The following SDK1 variants were observed in gnomAD, a reference collection of about 807,000 sequenced individuals.
SDK1 encodes protein sidekick-1.
Under a neutral mutation model 245.5 loss-of-function variants are expected in SDK1, and 157 were observed. The ratio of observed to expected loss-of-function variants is 0.64; its 90% CI spans 0.56 to 0.73. SDK1 has a LOEUF of 0.73. Ranked by LOEUF, SDK1 falls within the 30% of genes least tolerant of loss-of-function variation. SDK1 has a pLI of 0.00. For missense variants in SDK1, 3,583 were observed against 3,002.3 expected, an observed-to-expected ratio of 1.19 and a Z score of -4.52; for synonymous variants, 1,647 against 1,278.5, an observed-to-expected ratio of 1.29 and a Z score of -6.15.
rs527862915 is a variant in SDK1, at chr7:3,612,914, C to G, written c.299-6166C>G. Among the ~76,000 whole-genome samples the G allele has an allele frequency of 2.0e-5, 3 of 152,132 alleles. No individual in the cohort carries two copies. The South Asian group carries it at 6.3e-4, about 32-fold the overall frequency. On this transcript the variant is annotated intron_variant, in intron 1 of 44. Coordinates refer to ENST00000404826, the MANE Select transcript of SDK1 (RefSeq NM_152744.4). Reference sequence around the variant, plus strand: ...TGTGGGCTTCACAGACTACCCCCCACCCCCCTTGTTTGTGGTACAGTTGAT... The same window carrying G: ...TGTGGGCTTCACAGACTACCCCCCAGCCCCCTTGTTTGTGGTACAGTTGAT...
intron 13 of SDK1, among the ~76,000 whole-genome samples, chr7:3,975,922 AG>A: frequency 6.8e-6 from 1 of 146,920 alleles, no homozygotes; most frequent in Non-Finnish European, 1.5e-5. Flanking sequence ...GGTCCTCCAG[AG>A]AATCACTGAG....
intron 2 of SDK1, among the ~76,000 whole-genome samples, chr7:3,623,324 T>G (rs1782003125): frequency 6.7e-6 from 1 of 148,924 alleles, no homozygotes; most frequent in East Asian, 2.0e-4. Context: ...CTCGGCTCAC[T>G]GCAACCTTCG....
At position 4,210,179 on chromosome 7, in the gene SDK1, G is replaced by A. The variant is rs1169867614; in HGVS notation, c.5539+17G>A. 2 of 1,527,248 alleles carry A rather than the reference G, an allele frequency of 1.3e-6. No homozygotes were observed. The highest frequency in any genetic ancestry group is 1.4e-5 in the African/African-American group (1 of 71,762). 94.6% of individuals were successfully genotyped at this position (1,527,248 alleles called of 1,614,324 possible). A position where few individuals can be genotyped will look rare whatever the true frequency, so the allele number is the denominator to read the frequency against. On this transcript the variant is annotated intron_variant, in intron 38 of 44. Transcript: ENST00000404826. Reference sequence around the variant, plus strand: ...CTGTACAAGGTAAGACCCGGGGTTGGGGAGATGGGAGCGCGGGCCACACCA... The same window carrying A: ...CTGTACAAGGTAAGACCCGGGGTTGAGGAGATGGGAGCGCGGGCCACACCA...
At chr7:3,449,510 C>T (rs1342159903) in intron 1 of SDK1, among the ~76,000 whole-genome samples, 1 of 152,088 alleles carries the variant, frequency 6.6e-6, no homozygotes, top group Non-Finnish European at 1.5e-5. Context: ...GAAGATTTGA[C>T]TATATGTTGA....
chr7:3,841,782 C>G (rs548842995), intron 5 of SDK1, among the ~76,000 whole-genome samples: 1 of 151,994 alleles, frequency 6.6e-6, no homozygotes, highest in Non-Finnish European at 1.5e-5. Context: ...AGGCTGGTCT[C>G]GAACTCCTGA....
At chr7:3,828,062 G>T (rs1779821214) in intron 5 of SDK1, among the ~76,000 whole-genome samples, 1 of 152,182 alleles carries the variant, frequency 6.6e-6, no homozygotes, top group Admixed American at 6.5e-5. Flanking sequence ...CGGATCACCT[G>T]AGGTCAGGAG....
intron 1 of SDK1, among the ~76,000 whole-genome samples, chr7:3,421,624 A>G (rs1164698933): frequency 6.6e-6 from 1 of 152,188 alleles, no homozygotes; most frequent in African/African-American, 2.4e-5. Context: ...TGGAGAATGG[A>G]CATTTTCTAC....
chr7:3,675,517 C>T (rs987134020), intron 4 of SDK1, among the ~76,000 whole-genome samples: 21 of 152,224 alleles, frequency 1.4e-4, no homozygotes, highest in African/African-American at 5.1e-4. Flanking sequence ...CAAAAGTCTA[C>T]ATAATATGCT....
In SDK1 at chr7:4,132,331, G is replaced by A. The variant is rs758538712; in HGVS notation, c.4136G>A (p.Gly1379Asp). Residue 1379 changes from glycine to aspartate, a missense_variant, in exon 28 of 45, where the codon GGC becomes GAC. Gly to Asp is a moderately conservative substitution (Grantham distance 94). Coordinates refer to ENST00000404826, the MANE Select transcript of SDK1 (RefSeq NM_152744.4). ...ILERTKDDAP[G>D]PPVRLVFPEV... ...CTGTGGTTTTTCCCTTCAGCCCCAG[G>A]CCCACCAGTGAGGCTCGTGTTCCCC... The A allele has an allele frequency of 3.7e-6, 6 of 1,610,946 alleles. No individual in the cohort carries two copies. Among genetic ancestry groups the A allele is most frequent in the Non-Finnish European group, 5.1e-6 (6 of 1,177,826 alleles).
At position 3,619,218 on chromosome 7, in the gene SDK1, C is replaced by T. The variant is rs199983385; in HGVS notation, c.437C>T (p.Thr146Ile). 5 of 1,611,266 alleles carry T rather than the reference C, an allele frequency of 3.1e-6. No homozygotes were observed. Among genetic ancestry groups the T allele is most frequent in the Non-Finnish European group, 3.4e-6 (4 of 1,177,710 alleles). The change falls in exon 2 of 45, where the codon ACC (threonine) becomes ATC (isoleucine). Residue 146 changes from threonine (T) to isoleucine (I), a missense_variant. Transcript: ENST00000404826. Reference protein sequence around the residue: ...FKWMRDDSELTTYSSEYKYII... With the variant: ...FKWMRDDSELITYSSEYKYII... ...TGGATGCGCGATGACAGTGAGCTCA[C>T]CACCTACAGCAGCGAATATAAGTAA...
chr7:4,043,991 T>G (rs1378937035), intron 17 of SDK1, among the ~76,000 whole-genome samples: 4 of 152,118 alleles, frequency 2.6e-5, no homozygotes, highest in Admixed American at 2.6e-4. Context: ...TCCTCTTGTG[T>G]TTTCTTTTCT....
chr7:3,746,144 C>G (rs1390641063), intron 4 of SDK1, among the ~76,000 whole-genome samples: 1 of 152,182 alleles, frequency 6.6e-6, no homozygotes, highest in Non-Finnish European at 1.5e-5. Context: ...ATAAGTGAGT[C>G]ACATGAATTT....
chr7:3,583,991 C>G (rs1324467393), intron 1 of SDK1, among the ~76,000 whole-genome samples: 1 of 152,148 alleles, frequency 6.6e-6, no homozygotes, highest in Non-Finnish European at 1.5e-5. Context: ...AGACTCCACC[C>G]CAAGTCCACA....
intron 1 of SDK1, among the ~76,000 whole-genome samples, chr7:3,527,046 C>G (rs1020416140): frequency 6.6e-6 from 1 of 152,152 alleles, no homozygotes; most frequent in African/African-American, 2.4e-5. Context: ...CTGGTTTGGT[C>G]TGCTCTTGAT....
intron 5 of SDK1, among the ~76,000 whole-genome samples, chr7:3,903,037 C>T (rs1204283501): frequency 6.6e-6 from 1 of 152,026 alleles, no homozygotes; most frequent in African/African-American, 2.4e-5. Context: ...AAATGCTTAA[C>T]ATAATTAGCC....
At chr7:3,805,682 A>G (rs1195568283) in intron 4 of SDK1, among the ~76,000 whole-genome samples, 1 of 152,224 alleles carries the variant, frequency 6.6e-6, no homozygotes, top group Non-Finnish European at 1.5e-5. Context: ...ATTGTTTGTC[A>G]GAAGAGTAAG....
Position 3,747,698 on chromosome 7 carries a change from G to A in SDK1, c.714-73752G>A, listed in dbSNP as rs987706285. On this transcript the variant is annotated intron_variant, in intron 4 of 44. Transcript: ENST00000404826. The stretch of plus-strand genomic sequence containing the variant: ...AACTAGAGGATTTAACTTAGCCTGG[G>A]GTGTGTGTGTGTGTGTGTGTATGGT... Among the ~76,000 whole-genome samples the A allele has an allele frequency of 2.0e-5, 3 of 148,730 alleles. No homozygotes were observed. The East Asian group carries it at 5.8e-4, about 29-fold the overall frequency.
intron 4 of SDK1, among the ~76,000 whole-genome samples, chr7:3,651,508 A>T (rs898949403): frequency 1.3e-5 from 2 of 152,236 alleles, no homozygotes; most frequent in African/African-American, 4.8e-5. Context: ...AATTACTCAG[A>T]ATAAAACACA....
rs1781993121 is a variant in SDK1 at position 3,495,386 on chromosome 7, T to C, written c.299-123694T>C. 2.0e-5 allele frequency among the ~76,000 whole-genome samples: 3 copies of C among 150,602 alleles called. No individual in the cohort carries two copies. In the South Asian group the frequency reaches 6.3e-4, roughly 32 times the overall value. ...GATTCTCCTGCCTCAGCCTCCTGAG[T>C]AGCTGGGATTACAGCCTGTGTGACG... On this transcript the variant is annotated intron_variant, in intron 1 of 44. Coordinates refer to ENST00000404826, the MANE Select transcript of SDK1 (RefSeq NM_152744.4).
Sources: gnomAD v4.1 joint callset for allele counts (sites outside exome capture counted in the v4.1 genomes callset) on GRCh38, gnomAD v4.1.1 for gene constraint, MANE v1.5 for transcripts, NCBI Gene and HGNC (gene_info 2026-07-23, HGNC 2026-07-21) for gene names.